The following LMBRD1 variants were observed in gnomAD, a reference collection of about 807,000 sequenced individuals.
LMBRD1 encodes LMBR1 domain containing 1.
In LMBRD1, 64 loss-of-function variants were observed where a neutral mutation model predicts 74.8. The ratio of observed to expected loss-of-function variants is 0.86; its 90% confidence interval spans 0.70 to 1.05. The LOEUF (loss-of-function observed/expected upper bound fraction) is 1.05. Ranked by LOEUF, LMBRD1 falls within the 50% of genes least tolerant of loss-of-function variation. The probability of loss-of-function intolerance (pLI) is 0.00; values close to 1 mark genes in which losing one functional copy is unlikely to be tolerated. For synonymous variants in LMBRD1, 204 were observed against 216.3 expected, an observed-to-expected ratio of 0.94 and a Z score of 0.50; for missense variants, 652 against 645.9, an observed-to-expected ratio of 1.01 and a Z score of -0.10.
chr6:69,782,840 A>G (rs1765868717), intron 2 of LMBRD1, among the ~76,000 whole-genome samples: 1 of 152,224 alleles, frequency 6.6e-6, no homozygotes, highest in African/African-American at 2.4e-5. Context: ...TAGACCCTGT[A>G]CTAATTAACA....
At chr6:69,766,939 T>C (rs1304953614) in intron 3 of LMBRD1, among the ~76,000 whole-genome samples, 1 of 151,826 alleles carries the variant, frequency 6.6e-6, no homozygotes, top group Admixed American at 6.6e-5. Flanking sequence ...GTTATGGTAA[T>C]TGATTCAATT....
At chr6:69,686,867 A>G (rs1008304147) in intron 14 of LMBRD1, among the ~76,000 whole-genome samples, 7 of 152,218 alleles carry the variant, frequency 4.6e-5, no homozygotes, top group Non-Finnish European at 8.8e-5. Flanking sequence ...AGCTACAGCC[A>G]TCCCTTAAGT....
intron 3 of LMBRD1, among the ~76,000 whole-genome samples, 166 bp from the exon 4 acceptor site, chr6:69,752,522 G>T (rs1324776574): frequency 6.6e-6 from 1 of 151,898 alleles, no homozygotes; most frequent in African/African-American, 2.4e-5. Context: ...AGCCTTTTCT[G>T]TCCCATGTCC....
chr6:69,700,843 T>C lies in LMBRD1; in HGVS notation c.1110A>G (p.Ile370Met). ...QTVFPLDYIL[I>M]TIIIMYFIFT... ...AAATAAAGTACATAATAATAATTGTTATAAGAATATAATCAAGAGGGAAAA... is the reference window on the plus strand; with the variant it reads ...AAATAAAGTACATAATAATAATTGTCATAAGAATATAATCAAGAGGGAAAA... The change falls in exon 12 of 16, where the codon ATA becomes ATG. Residue 370 changes from isoleucine to methionine, a missense_variant. Ile to Met is a conservative substitution (Grantham distance 10). Around this residue, in one of 3 missense-constraint regions of LMBRD1, gnomAD observed 598 missense variants for 581.8 expected, o/e 1.03. Transcript: ENST00000649934. 2.1e-6 allele frequency: 3 copies of C among 1,441,700 alleles called. No individual in the cohort carries two copies. The highest frequency in any genetic ancestry group is 2.8e-6 in the Non-Finnish European group (3 of 1,059,812). The allele number at this position is 1,441,700 out of a possible 1,614,324, so 89.3% of individuals were successfully genotyped here. A position where few individuals can be genotyped will look rare whatever the true frequency, so the allele number is the denominator to read the frequency against.
At chr6:69,717,073 T>C (rs1354219503) in intron 8 of LMBRD1, among the ~76,000 whole-genome samples, 2 of 151,934 alleles carry the variant, frequency 1.3e-5, no homozygotes, top group Non-Finnish European at 2.9e-5. Flanking sequence ...TTAAAAAATA[T>C]ATTGAGTTGT....
In LMBRD1 at chr6:69,731,774, G is replaced by A. The variant is rs545871133; in HGVS notation, c.636+6168C>T. Among the ~76,000 whole-genome samples the A allele has an allele frequency of 2.6e-5, 4 of 152,118 alleles. No individual in the cohort carries two copies. The East Asian group carries it at 5.8e-4, about 22-fold the overall frequency. The stretch of plus-strand genomic sequence containing the variant: ...CAAACTGAAAATATTTTCAACTTAC[G>A]ATGGATTTAACAGAATGTAACTCCA... On this transcript the variant is annotated intron_variant, in intron 7 of 15. Coordinates refer to ENST00000649934, the MANE Select transcript of LMBRD1 (RefSeq NM_018368.4).
intron 3 of LMBRD1, among the ~76,000 whole-genome samples, chr6:69,779,311 A>G (rs1421641667): frequency 6.6e-6 from 1 of 152,072 alleles, no homozygotes; most frequent in Admixed American, 6.5e-5. Flanking sequence ...TTTATTGCTG[A>G]AAAAAATGAC....
At chr6:69,747,485 T>G (rs978105127) in intron 5 of LMBRD1, among the ~76,000 whole-genome samples, 4 of 152,210 alleles carry the variant, frequency 2.6e-5, no homozygotes, top group Non-Finnish European at 4.4e-5. Context: ...ATTATACATG[T>G]TACTCATCTT....
intron 1 of LMBRD1, among the ~76,000 whole-genome samples, chr6:69,793,492 GGA>G (rs1766136435): frequency 6.6e-6 from 1 of 152,176 alleles, no homozygotes; most frequent in Admixed American, 6.5e-5. Context: ...TTACAAAAAT[GGA>G]GAGTCTCCTA....
At position 69,697,576 on chromosome 6, in the gene LMBRD1, T is replaced by A. The variant is rs1382933312; in HGVS notation, c.1404A>T (p.Ala468=). 4 of 1,603,668 alleles carry A rather than the reference T, an allele frequency of 2.5e-6. No individual in the cohort carries two copies. The highest frequency in any genetic ancestry group is 3.4e-6 in the Non-Finnish European group (4 of 1,171,242). Residue 468 remains alanine, a synonymous_variant, in exon 14 of 16, where the codon GCA becomes GCT. Coordinates refer to ENST00000649934, the MANE Select transcript of LMBRD1 (RefSeq NM_018368.4). ...STLSVPKRCD[A]DAPEDQCTVT... is the part of the protein sequence containing the mutation. ...AGCTGTTTTTACCTTCAGGAGCATCTGCATCACATCTCTTTGGCACAGAAA... is the reference window on the plus strand; with the variant it reads ...AGCTGTTTTTACCTTCAGGAGCATCAGCATCACATCTCTTTGGCACAGAAA...
intron 4 of LMBRD1, 88 bp downstream of exon 4, chr6:69,752,171 A>G (rs965673806): frequency 3.7e-6 from 5 of 1,344,394 alleles, no homozygotes; most frequent in African/African-American, 1.5e-5. Context: ...ACACTGCTCT[A>G]GAAAAAATTC....
At chr6:69,703,830 A>G (rs1261910404) in intron 9 of LMBRD1, among the ~76,000 whole-genome samples, 3 of 152,096 alleles carry the variant, frequency 2.0e-5, no homozygotes, top group African/African-American at 7.2e-5. Flanking sequence ...CATATTCTCC[A>G]AATTTTAACA....
intron 7 of LMBRD1, among the ~76,000 whole-genome samples, chr6:69,732,747 T>C (rs1369923573): frequency 6.6e-6 from 1 of 152,188 alleles, no homozygotes; most frequent in African/African-American, 2.4e-5. Flanking sequence ...AGGTATATAG[T>C]AAACAATTTA....
rs2149856480 is a variant in LMBRD1 at position 69,719,056 on chromosome 6, A to G, written c.662T>C (p.Leu221Ser). Reference protein sequence around the residue: ...YTAYGMSALPLNLIKGTRSAA... With the variant: ...YTAYGMSALPSNLIKGTRSAA... ...GCTTCTAGTGCCTTTTATCAGATTTAAAGGTAACGCAGACATGCCATAGGC... is the reference window on the plus strand; with the variant it reads ...GCTTCTAGTGCCTTTTATCAGATTTGAAGGTAACGCAGACATGCCATAGGC... Residue 221 changes from leucine to serine, a missense_variant, in exon 8 of 16, where the codon TTA (leucine) becomes TCA (serine). Leu to Ser is a moderately radical substitution (Grantham distance 145). Coordinates refer to ENST00000649934, the MANE Select transcript of LMBRD1 (RefSeq NM_018368.4). The G allele has an allele frequency of 6.2e-7, 1 of 1,613,176 alleles. No individual in the cohort carries two copies. The highest frequency in any genetic ancestry group is 1.3e-5 in the African/African-American group (1 of 75,032).
intron 14 of LMBRD1, among the ~76,000 whole-genome samples, chr6:69,682,278 A>G (rs1765678961): frequency 6.6e-6 from 1 of 151,890 alleles, no homozygotes; most frequent in Non-Finnish European, 1.5e-5. Context: ...GAATGTCAAA[A>G]CTCACAGAAA....
intron 3 of LMBRD1, among the ~76,000 whole-genome samples, chr6:69,766,763 C>A (rs1765482356): frequency 6.6e-6 from 1 of 151,400 alleles, no homozygotes; most frequent in Non-Finnish European, 1.5e-5. Flanking sequence ...GGTATAATTT[C>A]TTATTTAAAT....
At position 69,796,328 on chromosome 6, in the gene LMBRD1, G is replaced by A. The variant is rs116041265; in HGVS notation, c.69+485C>T. On this transcript the variant is annotated intron_variant, in intron 1 of 15. Transcript: ENST00000649934. ...GCAGAATCACACAATGGGCACAGAG[G>A]TTGGAGACTCACTAGCCCCAAGGGT... Among the ~76,000 whole-genome samples, 645 of 152,306 alleles carry A rather than the reference G, an allele frequency of 4.2e-3. 6 individuals carry two copies. Among genetic ancestry groups the A allele is most frequent in the African/African-American group, 0.015 (607 of 41,556 alleles).
rs759997520 is a variant in LMBRD1 at position 69,796,828 on chromosome 6, G to A, written c.54C>T (p.Phe18=). The A allele has an allele frequency of 7.4e-6, 12 of 1,613,484 alleles. No individual in the cohort carries two copies. The highest frequency in any genetic ancestry group is 9.3e-6 in the Non-Finnish European group (11 of 1,179,810). ...SAELVIGWCI[F]GLLLLAILAF... is the part of the protein sequence containing the mutation. ...CCTCCCCTACCAGTAGTAAGAGGCC[G>A]AATATGCACCAGCCGATCACCAGCT... The change falls in exon 1 of 16, where the codon TTC becomes TTT. Residue 18 remains phenylalanine (F), a synonymous_variant. Transcript: ENST00000649934.
At chr6:69,724,339 A>G in intron 7 of LMBRD1, among the ~76,000 whole-genome samples, 1 of 70,808 alleles carries the variant, frequency 1.4e-5, no homozygotes, top group African/African-American at 7.3e-5. Context: ...CCAAAACCAA[A>G]GACACATTTA....
Sources: gnomAD v4.1 joint callset for allele counts (sites outside exome capture counted in the v4.1 genomes callset) on GRCh38, gnomAD v4.1.1 for gene constraint, gnomAD v4.1.1 regional missense constraint, MANE v1.5 for transcripts, NCBI Gene and HGNC (gene_info 2026-07-23, HGNC 2026-07-21) for gene names.